Variants in ASIC2 observed in about 807,000 individuals in gnomAD.
The protein encoded by ASIC2 is acid-sensing ion channel 2.
A neutral mutation model predicts 57.3 loss-of-function variants in ASIC2; 25 were observed. That is an observed-to-expected ratio of 0.44 (90% CI 0.32 to 0.61). The LOEUF (loss-of-function observed/expected upper bound fraction) is 0.61. ASIC2 is among the 20% of genes least tolerant of loss of function. ASIC2 has a pLI of 0.06. For missense variants in ASIC2, 641 were observed against 738.1 expected (o/e 0.87, Z 1.52); for synonymous variants, 319 against 307.5 (o/e 1.04, Z -0.39).
Position 33,764,212 on chromosome 17 carries a change from G to A in ASIC2, c.555+391766C>T, listed in dbSNP as rs140918731. Among the ~76,000 whole-genome samples, 1,045 of 152,132 alleles carry A rather than the reference G, an allele frequency of 6.9e-3. 12 individuals carry two copies. The highest frequency in any genetic ancestry group is 0.024 in the African/African-American group (989 of 41,466). On this transcript the variant is annotated intron_variant, in intron 1 of 9. Transcript: ENST00000359872. Reference sequence around the variant, plus strand: ...GGCACCTGTAGTCCCAGCTACTTGGGAGGCTGAGGAAGGAGAATGGTGTGA... The same window carrying A: ...GGCACCTGTAGTCCCAGCTACTTGGAAGGCTGAGGAAGGAGAATGGTGTGA...
chr17:33,167,456 C>CGCA (rs1905345429), intron 1 of ASIC2, among the ~76,000 whole-genome samples: 2 of 152,172 alleles, frequency 1.3e-5, no homozygotes, highest in Admixed American at 1.3e-4. Flanking sequence ...GGATCATTGT[C>CGCA]GCAGCCTTTG....
intron 1 of ASIC2, among the ~76,000 whole-genome samples, chr17:33,666,537 C>T (rs556263931): frequency 6.6e-6 from 1 of 152,338 alleles, no homozygotes; most frequent in East Asian, 1.9e-4. Context: ...TCCAGGTCAT[C>T]TTGATCATCC....
Position 33,675,841 on chromosome 17 carries a change from G to A in ASIC2, c.555+480137C>T, listed in dbSNP as rs141594974. Among the ~76,000 whole-genome samples, 659 of 152,262 alleles carry A rather than the reference G, an allele frequency of 4.3e-3. 2 individuals are homozygous for A. Among genetic ancestry groups the A allele is most frequent in the African/African-American group, 0.015 (624 of 41,542 alleles). On this transcript the variant is annotated intron_variant, in intron 1 of 9. Transcript: ENST00000359872. Reference sequence around the variant, plus strand: ...CCCACCTCGGCCTCCCAAAGTGCTGGGATTACAGGTGTAAGCCAGTGCACC... The same window carrying A: ...CCCACCTCGGCCTCCCAAAGTGCTGAGATTACAGGTGTAAGCCAGTGCACC...
chr17:33,245,271 G>C (rs904358087), intron 1 of ASIC2, among the ~76,000 whole-genome samples: 11 of 152,162 alleles, frequency 7.2e-5, no homozygotes, highest in African/African-American at 2.7e-4. Flanking sequence ...AAGTGCAGTA[G>C]GAGCTATTAC....
At chr17:33,490,368 C>T (rs919858851) in intron 1 of ASIC2, among the ~76,000 whole-genome samples, 1 of 152,206 alleles carries the variant, frequency 6.6e-6, no homozygotes, top group Non-Finnish European at 1.5e-5. Flanking sequence ...CATCACTTTC[C>T]ATGTGGTCAG....
intron 1 of ASIC2, among the ~76,000 whole-genome samples, chr17:34,016,402 C>G (rs1017549579): frequency 1.7e-5 from 2 of 116,514 alleles, no homozygotes; most frequent in African/African-American, 3.6e-5. Context: ...CCAGCCTGGA[C>G]GAAAGAGCGA....
chr17:33,835,085 C>A (rs573661516), intron 1 of ASIC2, among the ~76,000 whole-genome samples: 1 of 152,182 alleles, frequency 6.6e-6, no homozygotes, highest in Admixed American at 6.5e-5. Flanking sequence ...ATGGAACTTT[C>A]ACATTGTGAG....
At chr17:33,566,913 T>C (rs775026054) in intron 1 of ASIC2, among the ~76,000 whole-genome samples, 1 of 152,088 alleles carries the variant, frequency 6.6e-6, no homozygotes, top group South Asian at 2.1e-4. Context: ...CTTCCTGCCT[T>C]GGTTTGTGCT....
chr17:33,951,800 G>T (rs1904582972), intron 1 of ASIC2, among the ~76,000 whole-genome samples: 1 of 150,400 alleles, frequency 6.6e-6, no homozygotes, highest in East Asian at 1.9e-4. Flanking sequence ...CATCATGTTG[G>T]CCAGGCTGGT....
At chr17:33,329,357 C>T (rs1188274894) in intron 1 of ASIC2, among the ~76,000 whole-genome samples, 2 of 152,164 alleles carry the variant, frequency 1.3e-5, no homozygotes, top group Non-Finnish European at 2.9e-5. Context: ...GTGAATTCCT[C>T]CTTGGCTGGG....
intron 1 of ASIC2, among the ~76,000 whole-genome samples, chr17:33,926,867 G>A (rs960475866): frequency 1.2e-4 from 18 of 152,230 alleles, no homozygotes; most frequent in East Asian, 1.9e-4. Flanking sequence ...ACTGTGACTC[G>A]TCACATGAGG....
chr17:33,791,265 G>A (rs978603076), intron 1 of ASIC2, among the ~76,000 whole-genome samples: 3 of 152,320 alleles, frequency 2.0e-5, no homozygotes, highest in African/African-American at 4.8e-5. Flanking sequence ...AGAGAACATA[G>A]CATGTCAGAG....
intron 1 of ASIC2, among the ~76,000 whole-genome samples, chr17:34,075,919 C>T (rs1447822007): frequency 6.7e-6 from 1 of 148,584 alleles, no homozygotes; most frequent in African/African-American, 2.5e-5. Flanking sequence ...ACCTCTGCCT[C>T]CCAGGTTCAA....
At chr17:33,950,830 G>A (rs1223108242) in intron 1 of ASIC2, among the ~76,000 whole-genome samples, 1 of 152,218 alleles carries the variant, frequency 6.6e-6, no homozygotes, top group East Asian at 1.9e-4. Flanking sequence ...CATCCCTGTT[G>A]CCTTTTGCAC....
intron 1 of ASIC2, chr17:34,036,713 A>T (rs1907901413): frequency 7.9e-6 from 1 of 126,574 alleles, no homozygotes; most frequent in Non-Finnish European, 1.6e-5. Flanking sequence ...TTGCATGGAC[A>T]GATGAACCTT....
chr17:34,046,559 T>C (rs934815959), intron 1 of ASIC2, among the ~76,000 whole-genome samples: 74 of 152,158 alleles, frequency 4.9e-4, no homozygotes, highest in African/African-American at 1.7e-3. Flanking sequence ...GTTCCAAACA[T>C]GGAGGAGGTA....
chr17:33,073,549 AG>A (rs1282758704), intron 3 of ASIC2, among the ~76,000 whole-genome samples: 1 of 152,166 alleles, frequency 6.6e-6, no homozygotes, highest in Non-Finnish European at 1.5e-5. Flanking sequence ...TGGATAAAGG[AG>A]CTGGTGCACG....
At chr17:33,576,911 C>T (rs974249520) in intron 1 of ASIC2, among the ~76,000 whole-genome samples, 6 of 152,162 alleles carry the variant, frequency 3.9e-5, no homozygotes, top group African/African-American at 1.4e-4. Context: ...ATCAACAGCA[C>T]CTACCTCATA....
At chr17:33,563,110 G>A (rs1424373537) in intron 1 of ASIC2, among the ~76,000 whole-genome samples, 2 of 152,194 alleles carry the variant, frequency 1.3e-5, no homozygotes, top group Non-Finnish European at 2.9e-5. Context: ...TCAAACTGGG[G>A]AAGCTTCCCT....
Sources: allele counts gnomAD v4.1 joint callset (sites outside exome capture counted in the v4.1 genomes callset), GRCh38; gene constraint gnomAD v4.1.1; transcripts MANE v1.5; gene names NCBI Gene and HGNC (gene_info 2026-07-23, HGNC 2026-07-21).